CACNB2: variants seen among roughly 807,000 people sequenced by gnomAD.
CACNB2 encodes the protein calcium voltage-gated channel auxiliary subunit beta 2, also known as voltage-dependent L-type calcium channel subunit beta-2.
In CACNB2, 42 loss-of-function variants were observed where a neutral mutation model predicts 73.3. The observed-to-expected ratio is 0.57, with a 90% CI of 0.45 to 0.74. CACNB2 has a LOEUF of 0.74. Among genes scored for constraint, CACNB2 ranks in the 30% least tolerant of loss-of-function variants. The pLI is 0.00. For synonymous variants in CACNB2, 348 were observed against 310.3 expected (o/e 1.12, Z -1.28); for missense variants, 940 against 853.0 (o/e 1.10, Z -1.27).
At chr10:18,340,840 T>C (rs2041202794) in intron 2 of CACNB2, 1 of 1,613,428 alleles carries the variant, frequency 6.2e-7, no homozygotes, top group Admixed American at 1.7e-5. Flanking sequence ...AAAGCAAGAC[T>C]TGGCTGCCTT....
intron 2 of CACNB2, among the ~76,000 whole-genome samples, chr10:18,225,616 TCTTC>T (rs1306212838): frequency 7.1e-6 from 1 of 141,250 alleles, no homozygotes; most frequent in African/African-American, 2.6e-5. Flanking sequence ...TTCCGTCGTT[TCTTC>T]CTTCCTTCCT....
rs565283558 is a variant in CACNB2 at position 18,183,169 on chromosome 10, C to G, written c.213+32194C>G. ...GTAAAACGCAGATCCCAGTATCAAC[C>G]CACACACCAGGATTAAATGAGATAT... On this transcript the variant is annotated intron_variant, in intron 2 of 13. Transcript: ENST00000324631. Among the ~76,000 whole-genome samples, 3 of 152,032 alleles carry G rather than the reference C, an allele frequency of 2.0e-5. No homozygotes were observed. The South Asian group carries it at 6.3e-4, about 32-fold the overall frequency.
intron 2 of CACNB2, among the ~76,000 whole-genome samples, chr10:18,154,462 T>G (rs77082081): frequency 0.077 from 11,677 of 152,056 alleles, 606 homozygotes; most frequent in East Asian, 0.11. Context: ...GTTATCTTTT[T>G]TTTTTGTTTT....
intron 3 of CACNB2, among the ~76,000 whole-genome samples, chr10:18,408,231 C>CTTTTTTTT (rs71402161): frequency 3.5e-4 from 27 of 77,992 alleles, no homozygotes; most frequent in Non-Finnish European, 5.5e-4. Flanking sequence ...CTATCCCTGA[C>CTTTTTTTT]TTTTTTTTTT....
chr10:18,386,399 ATTT>A (rs10637329), intron 2 of CACNB2, among the ~76,000 whole-genome samples: 5 of 106,512 alleles, frequency 4.7e-5, no homozygotes, highest in Non-Finnish European at 8.9e-5. Context: ...TTTATTTATG[ATTT>A]TTTTTTTTTT....
chr10:18,494,155 A>G (rs534614695), intron 3 of CACNB2, among the ~76,000 whole-genome samples: 2 of 152,232 alleles, frequency 1.3e-5, no homozygotes, highest in South Asian at 4.1e-4. Flanking sequence ...CACCACTTTA[A>G]TTTCTTTTTC....
chr10:18,143,643 G>T (rs910526543), intron 1 of CACNB2, among the ~76,000 whole-genome samples: 3 of 152,148 alleles, frequency 2.0e-5, no homozygotes, highest in African/African-American at 4.8e-5. Flanking sequence ...GGCATCATAG[G>T]ATTGTGTGAG....
intron 2 of CACNB2, among the ~76,000 whole-genome samples, chr10:18,308,807 G>A (rs897998963): frequency 6.6e-6 from 1 of 152,178 alleles, no homozygotes; most frequent in African/African-American, 2.4e-5. Context: ...TGAGCCAAGG[G>A]TATGACTTGA....
chr10:18,282,322 G>T (rs56278429), intron 2 of CACNB2, among the ~76,000 whole-genome samples: 15,259 of 152,252 alleles, frequency 0.1, 1,048 homozygotes, highest in Non-Finnish European at 0.15. Flanking sequence ...TGGATTGACA[G>T]AATGGAATGC....
chr10:18,361,117 C>T (rs1224338019), intron 2 of CACNB2, among the ~76,000 whole-genome samples: 1 of 151,980 alleles, frequency 6.6e-6, no homozygotes, highest in Non-Finnish European at 1.5e-5. Context: ...ATCTTAAACT[C>T]TCTTTATTCT....
At chr10:18,500,785 T>G in intron 4 of CACNB2, 27 bp from the exon 5 acceptor site, 2 of 1,611,720 alleles carry the variant, frequency 1.2e-6, no homozygotes, top group Non-Finnish European at 1.7e-6. Flanking sequence ...GTGCACTGAT[T>G]TTTAATGCTT....
At chr10:18,253,858 C>T (rs1267027443) in intron 2 of CACNB2, among the ~76,000 whole-genome samples, 4 of 152,104 alleles carry the variant, frequency 2.6e-5, no homozygotes, top group Non-Finnish European at 5.9e-5. Context: ...GCTGAAGATA[C>T]AAAATAAAAG....
At chr10:18,161,053 A>G (rs1374705366) in intron 2 of CACNB2, among the ~76,000 whole-genome samples, 2 of 152,312 alleles carry the variant, frequency 1.3e-5, no homozygotes, top group Non-Finnish European at 1.5e-5. Context: ...TCATGCTCCC[A>G]TTCACCATGT....
chr10:18,229,694 G>C (rs1286623941), intron 2 of CACNB2, among the ~76,000 whole-genome samples: 1 of 151,720 alleles, frequency 6.6e-6, no homozygotes, highest in African/African-American at 2.4e-5. Flanking sequence ...CTCTTCTATG[G>C]TAAACAGTCC....
In CACNB2 at chr10:18,461,129, A is replaced by G. The variant is rs566565829; in HGVS notation, c.334-37226A>G. ...TTTTTAGTAGAGATGGGGTTTCTCC[A>G]TGTTGATCACCCATCCTTACCTGAT... On this transcript the variant is annotated intron_variant, in intron 3 of 13. Coordinates refer to ENST00000324631, the MANE Select transcript of CACNB2 (RefSeq NM_201596.3). 2.0e-5 allele frequency among the ~76,000 whole-genome samples: 3 copies of G among 152,066 alleles called. No individual in the cohort carries two copies. The South Asian group carries it at 6.2e-4, about 32-fold the overall frequency.
intron 2 of CACNB2, among the ~76,000 whole-genome samples, chr10:18,381,738 G>T (rs1440359520): frequency 1.3e-5 from 2 of 150,378 alleles, no homozygotes; most frequent in Admixed American, 1.3e-4. Flanking sequence ...GTTGACTGTA[G>T]AATTTGGAAT....
chr10:18,225,037 G>A (rs188783891), intron 2 of CACNB2, among the ~76,000 whole-genome samples: 3 of 152,198 alleles, frequency 2.0e-5, no homozygotes, highest in Non-Finnish European at 4.4e-5. Context: ...CCCTCTGTTT[G>A]CTCAAGGCCA....
At chr10:18,234,357 A>G (rs948558277) in intron 2 of CACNB2, 3 of 152,360 alleles carry the variant, frequency 2.0e-5, no homozygotes, top group Non-Finnish European at 4.4e-5. Context: ...ATTAAGCATA[A>G]AATTACCATG....
intron 3 of CACNB2, among the ~76,000 whole-genome samples, chr10:18,481,423 T>A (rs1404482321): frequency 2.7e-5 from 4 of 150,398 alleles, no homozygotes; most frequent in African/African-American, 9.8e-5. Flanking sequence ...GTTTTTGTAT[T>A]TTTAGTAGAG....
Sources: allele counts gnomAD v4.1 joint callset (sites outside exome capture counted in the v4.1 genomes callset), GRCh38; gene constraint gnomAD v4.1.1; transcripts MANE v1.5; gene names NCBI Gene and HGNC (gene_info 2026-07-23, HGNC 2026-07-21).